TRHDE: variants seen among roughly 807,000 people sequenced by gnomAD.
The protein encoded by TRHDE is thyrotropin releasing hormone degrading enzyme, also known as thyrotropin-releasing hormone-degrading ectoenzyme.
Under a neutral mutation model 125.7 loss-of-function variants are expected in TRHDE, and 72 were observed. The ratio of observed to expected loss-of-function variants is 0.57; its 90% confidence interval spans 0.47 to 0.70. The LOEUF (loss-of-function observed/expected upper bound fraction) is 0.70. TRHDE is among the 30% of genes least tolerant of loss of function. TRHDE has a pLI of 0.00. For missense variants in TRHDE, 1,110 were observed against 1,327.1 expected (o/e 0.84, Z 2.54); for synonymous variants, 509 against 509.1 (o/e 1.00, Z 0.00).
chr12:72,657,338 C>T (rs747170930), intron 18 of TRHDE, among the ~76,000 whole-genome samples: 1 of 152,112 alleles, frequency 6.6e-6, no homozygotes, highest in South Asian at 2.1e-4. Flanking sequence ...AATAACAAAA[C>T]CATCCTGTCA....
chr12:72,584,756 TC>T (rs773090731), intron 12 of TRHDE, among the ~76,000 whole-genome samples: 10 of 152,190 alleles, frequency 6.6e-5, no homozygotes, highest in Non-Finnish European at 1.0e-4. Context: ...TAAATAGTGT[TC>T]CATTTTGTGT....
intron 3 of TRHDE, among the ~76,000 whole-genome samples, chr12:72,444,559 A>G (rs1013200478): frequency 1.3e-5 from 2 of 151,848 alleles, no homozygotes; most frequent in Non-Finnish European, 2.9e-5. Flanking sequence ...TATTATTCTA[A>G]TGGCAAAACT....
intron 6 of TRHDE, among the ~76,000 whole-genome samples, chr12:72,509,272 AC>A (rs1175243013): frequency 6.7e-6 from 1 of 150,216 alleles, no homozygotes; most frequent in Non-Finnish European, 1.5e-5. Flanking sequence ...TAACCACCGC[AC>A]CCCCCCGCAC....
chr12:72,558,839 G>T (rs529472290), intron 7 of TRHDE, among the ~76,000 whole-genome samples: 14 of 152,230 alleles, frequency 9.2e-5, no homozygotes, highest in Non-Finnish European at 1.8e-4. Context: ...CCAATATAGG[G>T]GAGGATAATG....
intron 15 of TRHDE, among the ~76,000 whole-genome samples, chr12:72,645,898 A>G (rs1214477210): frequency 6.6e-6 from 1 of 152,126 alleles, no homozygotes; most frequent in East Asian, 1.9e-4. Context: ...AAAGAAAAAT[A>G]ATGACTTTCT....
At chr12:72,485,004 A>T (rs1877336026) in intron 5 of TRHDE, among the ~76,000 whole-genome samples, 1 of 152,106 alleles carries the variant, frequency 6.6e-6, no homozygotes, top group Admixed American at 6.5e-5. Context: ...CTGAGTTGGG[A>T]TCAACTCAGA....
At chr12:72,648,711 C>T (rs993916570) in intron 15 of TRHDE, among the ~76,000 whole-genome samples, 8 of 151,770 alleles carry the variant, frequency 5.3e-5, no homozygotes, top group African/African-American at 1.9e-4. Flanking sequence ...CTTTGGGAGG[C>T]CAAGGTGGGA....
chr12:72,415,956 C>T (rs1277387179), intron 3 of TRHDE, among the ~76,000 whole-genome samples: 1 of 152,056 alleles, frequency 6.6e-6, no homozygotes, highest in African/African-American at 2.4e-5. Flanking sequence ...GAGGCACCTC[C>T]ATACTGCTCT....
chr12:72,476,882 G>A (rs1443762299), intron 5 of TRHDE, among the ~76,000 whole-genome samples: 1 of 152,084 alleles, frequency 6.6e-6, no homozygotes, highest in African/African-American at 2.4e-5. Context: ...GCCAGTTTCT[G>A]ATATAGAATT....
intron 3 of TRHDE, among the ~76,000 whole-genome samples, chr12:72,467,038 T>C (rs565659496): frequency 3.2e-4 from 49 of 152,338 alleles, no homozygotes; most frequent in African/African-American, 1.1e-3. Flanking sequence ...TTGTTGTATA[T>C]ATGAATGCAT....
intron 15 of TRHDE, among the ~76,000 whole-genome samples, chr12:72,636,141 A>G (rs1873738312): frequency 6.6e-6 from 1 of 152,036 alleles, no homozygotes; most frequent in Non-Finnish European, 1.5e-5. Context: ...ATGAGCATGG[A>G]ATGTTCTTCC....
chr12:72,096,706 C>T (rs1874931111), intron 1 of TRHDE, among the ~76,000 whole-genome samples: 1 of 152,196 alleles, frequency 6.6e-6, no homozygotes, highest in African/African-American at 2.4e-5. Context: ...TAAAGAATAG[C>T]CCAGCTCAAC....
rs1869271687 is a variant in TRHDE, at chr12:72,543,786, TATTTGGAAAGG to T, written c.1788+1434_1788+1444del. Among the ~76,000 whole-genome samples the T allele has an allele frequency of 3.7e-5, 5 of 134,902 alleles. No individual in the cohort carries two copies. In the South Asian group the frequency reaches 7.4e-4, roughly 20 times the overall value. 88.5% of individuals were successfully genotyped at this position (134,902 alleles called of 152,430 possible). A position where few individuals can be genotyped will look rare whatever the true frequency, so the allele number is the denominator to read the frequency against. On this transcript the variant is annotated intron_variant, in intron 7 of 18. Coordinates refer to ENST00000261180, the MANE Select transcript of TRHDE (RefSeq NM_013381.3). Reference sequence around the variant, plus strand: ...AGTTATATTATTTGGAAAGGATTATTATTTGGAAAGGATTATTATTATTATTATTATTATTA... The same window carrying T: ...AGTTATATTATTTGGAAAGGATTATTATTATTATTATTATTATTATTATTA...
chr12:72,610,081 C>G (rs1413400282), intron 12 of TRHDE, among the ~76,000 whole-genome samples: 2 of 151,934 alleles, frequency 1.3e-5, no homozygotes, highest in Non-Finnish European at 2.9e-5. Context: ...GCTAATTAAC[C>G]CAAAGTGGAA....
At chr12:72,486,642 T>A (rs1385706732) in intron 5 of TRHDE, among the ~76,000 whole-genome samples, 6 of 152,154 alleles carry the variant, frequency 3.9e-5, no homozygotes, top group African/African-American at 1.2e-4. Context: ...GACACCCATA[T>A]GTCCATCTGC....
chr12:72,209,574 A>T (rs2139360689), intron 2 of TRHDE, among the ~76,000 whole-genome samples: 1 of 152,346 alleles, frequency 6.6e-6, no homozygotes, highest in South Asian at 2.1e-4. Context: ...GTTGGAAAAG[A>T]TAGAGATGAT....
intron 6 of TRHDE, among the ~76,000 whole-genome samples, chr12:72,541,680 G>A (rs555078327): frequency 2.2e-4 from 34 of 151,374 alleles, no homozygotes; most frequent in Non-Finnish European, 4.4e-4. Context: ...CTTTAGAACA[G>A]CCATATTAAA....
intron 9 of TRHDE, among the ~76,000 whole-genome samples, chr12:72,567,137 C>T (rs565223004): frequency 1.4e-5 from 2 of 148,032 alleles, no homozygotes; most frequent in African/African-American, 5.2e-5. Flanking sequence ...ATTTTTAAAC[C>T]TATATTGAAA....
intron 15 of TRHDE, among the ~76,000 whole-genome samples, chr12:72,635,818 T>A (rs960503298): frequency 6.6e-6 from 1 of 152,176 alleles, no homozygotes; most frequent in Non-Finnish European, 1.5e-5. Flanking sequence ...GTTGTAGATA[T>A]GCAGCATTAT....
Sources: allele counts gnomAD v4.1 joint callset (sites outside exome capture counted in the v4.1 genomes callset), GRCh38; gene constraint gnomAD v4.1.1; transcripts MANE v1.5; gene names NCBI Gene and HGNC (gene_info 2026-07-23, HGNC 2026-07-21).